NBPF12: variants seen among roughly 807,000 people sequenced by gnomAD.
NBPF12 encodes the protein NBPF member 12.
Under a neutral mutation model 146.4 loss-of-function variants are expected in NBPF12, and 115 were observed. That is an observed-to-expected ratio of 0.79 (90% confidence interval 0.68 to 0.92). NBPF12 has a LOEUF of 0.92. Among genes scored for constraint, NBPF12 ranks in the 40% least tolerant of loss-of-function variants. The probability of loss-of-function intolerance (pLI) is 0.00; values close to 1 mark genes in which losing one functional copy is unlikely to be tolerated. For synonymous variants in NBPF12, 385 were observed against 508.9 expected (o/e 0.76, Z 3.28); for missense variants, 1,205 against 1,326.8 (o/e 0.91, Z 1.43).
At chr1:146,994,576 G>T (rs1426069001) in exon 34 of NBPF12, 3 of 1,608,946 alleles carry the variant, frequency 1.9e-6, no homozygotes, top group Non-Finnish European at 2.5e-6. Flanking sequence ...CCCACAATAA[G>T]CAGCCCTTAC....
intron 2 of NBPF12, among the ~76,000 whole-genome samples, chr1:146,952,362 T>C (rs1655361879): frequency 6.6e-6 from 1 of 152,090 alleles, no homozygotes; most frequent in Admixed American, 6.5e-5. Context: ...TTCTCTTGCA[T>C]CGTCCCTCAG....
intron 5 of NBPF12, 28 bp downstream of exon 8, chr1:146,962,291 G>A (rs1171705395): frequency 1.7e-5 from 27 of 1,574,206 alleles, no homozygotes; most frequent in Admixed American, 1.3e-4. Context: ...GGGGAGGCAG[G>A]CGGGTAGGTG....
At chr1:146,994,788 G>A (rs1459507344) in exon 34 of NBPF12, 5 of 848,458 alleles carry the variant, frequency 5.9e-6, no homozygotes, top group South Asian at 3.5e-5. Flanking sequence ...TCACATAACT[G>A]TGCAGCACAT....
upstream of NBPF12, among the ~76,000 whole-genome samples, chr1:146,945,264 G>A (rs1398796579): frequency 1.3e-5 from 2 of 151,240 alleles, no homozygotes; most frequent in African/African-American, 4.9e-5. Context: ...TTGTAGGCAG[G>A]GAGCTCATCC....
intron 31 of NBPF12, 27 bp from the exon 35 acceptor site, chr1:146,992,685 A>C: frequency 5.5e-6 from 4 of 733,636 alleles, no homozygotes; most frequent in Non-Finnish European, 7.6e-6. Context: ...CCCCTGGCTT[A>C]TTCTTTACTT....
intron 13 of NBPF12, among the ~76,000 whole-genome samples, chr1:146,971,631 A>G: frequency 6.7e-6 from 1 of 149,074 alleles, no homozygotes; most frequent in East Asian, 2.0e-4. Flanking sequence ...TTTACGAAGA[A>G]TACAAAAAAT....
chr1:146,962,659 G>C (rs1655932435), intron 5 of NBPF12, among the ~76,000 whole-genome samples: 1 of 150,294 alleles, frequency 6.7e-6, no homozygotes, highest in East Asian at 2.0e-4. Context: ...TTGCCTTCTT[G>C]ACCCTGTCAT....
At chr1:146,973,281 C>T (rs1442643138) in intron 14 of NBPF12, among the ~76,000 whole-genome samples, 1 of 151,382 alleles carries the variant, frequency 6.6e-6, no homozygotes, top group Non-Finnish European at 1.5e-5. Flanking sequence ...CATATAAGAT[C>T]CTGCAGACAA....
At chr1:146,963,741 T>C (rs1325438332) in intron 6 of NBPF12, among the ~76,000 whole-genome samples, 2 of 149,520 alleles carry the variant, frequency 1.3e-5, no homozygotes, top group African/African-American at 2.5e-5. Context: ...AATTGTTTCT[T>C]GCAAGGGTCT....
chr1:146,948,510 C>T (rs1195825671), upstream of NBPF12, among the ~76,000 whole-genome samples: 12 of 151,734 alleles, frequency 7.9e-5, no homozygotes, highest in African/African-American at 2.4e-4. Flanking sequence ...AAGGGCTGTT[C>T]AGGGTGTGCT....
intron 19 of NBPF12, among the ~76,000 whole-genome samples, chr1:146,982,606 A>C (rs1342636466): frequency 6.6e-6 from 1 of 151,772 alleles, no homozygotes; most frequent in African/African-American, 2.4e-5. Flanking sequence ...ATTCAACCCA[A>C]TTTATGCAAA....
rs1657367158 is a variant in NBPF12, at chr1:146,981,293, A to AT, written c.2451-1635_2451-1634insT. Among the ~76,000 whole-genome samples the AT allele has an allele frequency of 4.8e-3, 514 of 106,868 alleles. 2 individuals are homozygous for AT. The highest frequency in any genetic ancestry group is 0.016 in the African/African-American group (400 of 24,460). The allele number at this position is 106,868 out of a possible 152,430, so 70.1% of individuals were successfully genotyped here. On this transcript the variant is annotated intron_variant, in intron 19 of 33. Coordinates refer to ENST00000617844, the Ensembl canonical transcript of NBPF12. ...TTAAAGTATTAAAAAAAAAAAAAAA[A>AT]AATATATATATATATATATATACAT...
chr1:146,963,457 G>C (rs1395059918), intron 6 of NBPF12, 148 bp downstream of exon 9: 9 of 1,554,566 alleles, frequency 5.8e-6, no homozygotes, highest in South Asian at 3.4e-5. Flanking sequence ...TCCTGGGTAA[G>C]AACAGAAATG....
intron 1 of NBPF12, among the ~76,000 whole-genome samples, chr1:146,942,386 TA>T (rs1447484040): frequency 3.6e-4 from 54 of 151,852 alleles, no homozygotes; most frequent in Admixed American, 1.9e-3. Flanking sequence ...TTATTGTTAT[TA>T]TTTTTTTTGT....
chr1:146,961,489 ATTAG>A (rs1655846485), intron 4 of NBPF12, among the ~76,000 whole-genome samples: 1 of 151,190 alleles, frequency 6.6e-6, no homozygotes, highest in African/African-American at 2.5e-5. Flanking sequence ...TGTAAACACT[ATTAG>A]TTCTTCATTC....
chr1:146,984,334 G>C (rs1467153028), intron 21 of NBPF12, 149 bp downstream of exon 24: 6 of 643,052 alleles, frequency 9.3e-6, no homozygotes, highest in Non-Finnish European at 8.2e-6. Flanking sequence ...GTTCTCATTA[G>C]AGTAAATGTT....
chr1:146,967,425 C>T (rs1251185627), intron 9 of NBPF12, among the ~76,000 whole-genome samples: 1 of 150,292 alleles, frequency 6.7e-6, no homozygotes, highest in Non-Finnish European at 1.5e-5. Context: ...CCTTTGAACC[C>T]AGGAGGCTGA....
Position 146,975,467 on chromosome 1 carries a change from G to A in NBPF12, c.1905-210G>A, listed in dbSNP as rs1178229633. 5.3e-5 allele frequency among the ~76,000 whole-genome samples: 8 copies of A among 149,934 alleles called. 1 individual carries two copies. The highest frequency in any genetic ancestry group is 4.6e-4 in the Admixed American group (7 of 15,176). ...GGGGAAAGATGAATGGAACATCATC[G>A]AGGATCTTGCAGGAGCCCTCTCTGA... is the stretch of plus-strand genomic sequence containing the variant. On this transcript the variant is annotated intron_variant, in intron 15 of 33. Coordinates refer to ENST00000617844, the Ensembl canonical transcript of NBPF12.
Position 146,961,093 on chromosome 1 carries a change from C to T in NBPF12, c.175+775C>T, listed in dbSNP as rs1180193702. Among the ~76,000 whole-genome samples the T allele has an allele frequency of 7.0e-3, 1,063 of 152,074 alleles. 53 individuals are homozygous for T. The highest frequency in any genetic ancestry group is 0.059 in the Admixed American group (894 of 15,270). On this transcript the variant is annotated intron_variant, in intron 4 of 33. Transcript: ENST00000617844. The stretch of plus-strand genomic sequence containing the variant: ...CCCAGCAGGCAGGTGTTGCAGTGAG[C>T]CAAGATTGCACTATTGCACTCCAGC...
Sources: allele counts gnomAD v4.1 joint callset (sites outside exome capture counted in the v4.1 genomes callset), GRCh38; gene constraint gnomAD v4.1.1; transcripts MANE v1.5; gene names NCBI Gene and HGNC (gene_info 2026-07-23, HGNC 2026-07-21).